SLCO3A1: variants seen among roughly 807,000 people sequenced by gnomAD.
The protein encoded by SLCO3A1 is PGE1 transporter.
A neutral mutation model predicts 63.1 loss-of-function variants in SLCO3A1; 27 were observed. The ratio of observed to expected loss-of-function variants is 0.43; its 90% CI spans 0.32 to 0.59. The LOEUF (loss-of-function observed/expected upper bound fraction) is 0.59, where lower values mean the gene tolerates loss of function less well. SLCO3A1 is among the 20% of genes least tolerant of loss of function. The probability of loss-of-function intolerance (pLI) is 0.09; values close to 1 mark genes in which losing one functional copy is unlikely to be tolerated. For synonymous variants in SLCO3A1, 473 were observed against 409.9 expected, an observed-to-expected ratio of 1.15 and a Z score of -1.86; for missense variants, 773 against 945.8, an observed-to-expected ratio of 0.82 and a Z score of 2.40.
rs1597097683 is a variant in SLCO3A1, at chr15:91,894,636, T to A, written c.181-21357T>A. 6.6e-6 allele frequency among the ~76,000 whole-genome samples: 1 copy of A among 152,232 alleles called. No individual in the cohort carries two copies. The highest frequency in any genetic ancestry group is 1.9e-4 in the East Asian group (1 of 5,202). On this transcript the variant is annotated intron_variant, in intron 1 of 9. Transcript: ENST00000318445. The surrounding 1 kb of genome is among the most constrained non-coding windows in gnomAD (Gnocchi z 4.8). ...CCCGTGTAGCCCGAGGCAGCATTTT[T>A]GACTTGAATGTTCATATGTACCACT...
chr15:92,086,455 T>A (rs180949182), intron 2 of SLCO3A1, among the ~76,000 whole-genome samples: 1 of 152,338 alleles, frequency 6.6e-6, no homozygotes, highest in African/African-American at 2.4e-5. Flanking sequence ...TTTCTCCTGG[T>A]TTTTTTCTTT....
intron 2 of SLCO3A1, among the ~76,000 whole-genome samples, chr15:92,085,843 T>G (rs2047398205): frequency 6.6e-6 from 1 of 152,202 alleles, no homozygotes; most frequent in South Asian, 2.1e-4. Context: ...GTGTTCTTTA[T>G]AGTTTGACTC....
intron 1 of SLCO3A1, among the ~76,000 whole-genome samples, chr15:91,858,369 T>C (rs1727728686): frequency 6.6e-6 from 1 of 150,630 alleles, no homozygotes; most frequent in Non-Finnish European, 1.5e-5. Flanking sequence ...TAGTAAGAAA[T>C]AAAATTACCT....
rs1032085501 is a variant in SLCO3A1 at position 92,060,593 on chromosome 15, G to A, written c.647-34288G>A. On this transcript the variant is annotated intron_variant, in intron 2 of 9. Transcript: ENST00000318445. ...CGGCTCACTGCAACCTCCGCCTCCG[G>A]GGTTCAGGCAGTTCTCCTGCCTCAG... Among the ~76,000 whole-genome samples, 57 of 151,624 alleles carry A rather than the reference G, an allele frequency of 3.8e-4. 1 individual carries two copies. Among genetic ancestry groups the A allele is most frequent in the Admixed American group, 3.3e-3 (51 of 15,230 alleles).
intron 6 of SLCO3A1, among the ~76,000 whole-genome samples, chr15:92,128,026 A>C (rs2190750): frequency 7.9e-4 from 120 of 152,004 alleles, no homozygotes; most frequent in African/African-American, 2.8e-3. Context: ...CAGAGGGCAC[A>C]TCAATACCAG....
At chr15:92,016,481 G>A (rs1290057115) in intron 2 of SLCO3A1, among the ~76,000 whole-genome samples, 2 of 152,134 alleles carry the variant, frequency 1.3e-5, no homozygotes, top group Non-Finnish European at 2.9e-5. Flanking sequence ...CTAAAGGAAG[G>A]AATGTCGTCC....
chr15:91,873,080 T>G (rs540534158), intron 1 of SLCO3A1, among the ~76,000 whole-genome samples: 4 of 152,390 alleles, frequency 2.6e-5, no homozygotes, highest in Admixed American at 1.3e-4. Context: ...CAGAGTGTTC[T>G]GTGTCAGTGT....
intron 2 of SLCO3A1, among the ~76,000 whole-genome samples, chr15:92,069,125 C>CA (rs1347456407): frequency 6.9e-6 from 1 of 144,022 alleles, no homozygotes; most frequent in Non-Finnish European, 1.5e-5. Flanking sequence ...CCACTCCCCC[C>CA]AGGGGACATT....
intron 4 of SLCO3A1, among the ~76,000 whole-genome samples, chr15:92,106,706 G>A (rs2047671665): frequency 6.6e-6 from 1 of 152,156 alleles, no homozygotes; most frequent in Non-Finnish European, 1.5e-5. Context: ...ATCCCACACA[G>A]GACCAGGTCT....
chr15:92,014,075 A>G (rs2046398553), intron 2 of SLCO3A1, among the ~76,000 whole-genome samples: 1 of 152,030 alleles, frequency 6.6e-6, no homozygotes, highest in Non-Finnish European at 1.5e-5. Flanking sequence ...AGGCCTCTTT[A>G]TCTCCCCAGA....
At chr15:92,135,652 A>G (rs747796644) in intron 7 of SLCO3A1, among the ~76,000 whole-genome samples, 1 of 152,206 alleles carries the variant, frequency 6.6e-6, no homozygotes, top group Non-Finnish European at 1.5e-5. Flanking sequence ...TGTCTGAGGA[A>G]CGTCAGTGAA....
chr15:92,018,643 A>G (rs2151469169), intron 2 of SLCO3A1, among the ~76,000 whole-genome samples: 1 of 152,226 alleles, frequency 6.6e-6, no homozygotes, highest in Admixed American at 6.5e-5. Flanking sequence ...AATCCAGGAG[A>G]AGTGAGGCAG....
rs1214040127 is a variant in SLCO3A1 at position 91,920,501 on chromosome 15, G to A, written c.646+4043G>A. Among the ~76,000 whole-genome samples, 5 of 152,166 alleles carry A rather than the reference G, an allele frequency of 3.3e-5. No individual in the cohort carries two copies. The South Asian group carries it at 6.2e-4, about 19-fold the overall frequency. ...AGAGAGGAAGGTGGTCCTAGCTAAC[G>A]GTTCAGGTCTGAGTTCTGTAAAGAG... On this transcript the variant is annotated intron_variant, in intron 2 of 9. Coordinates refer to ENST00000318445, the MANE Select transcript of SLCO3A1 (RefSeq NM_013272.4).
At chr15:91,857,062 GT>G (rs1368735521) in intron 1 of SLCO3A1, among the ~76,000 whole-genome samples, 1 of 150,612 alleles carries the variant, frequency 6.6e-6, no homozygotes, top group Non-Finnish European at 1.5e-5. Flanking sequence ...GTGTGTGTGT[GT>G]GTGTGTGAGA....
At chr15:92,081,405 C>T (rs2047344780) in intron 2 of SLCO3A1, among the ~76,000 whole-genome samples, 1 of 151,798 alleles carries the variant, frequency 6.6e-6, no homozygotes, top group Non-Finnish European at 1.5e-5. Context: ...GGCTGGAGCG[C>T]AGTGTTGTGA....
rs1217373072 is a variant in SLCO3A1 at position 92,114,250 on chromosome 15, TG to T, written c.1010-6214del. On this transcript the variant is annotated intron_variant, in intron 4 of 9. Coordinates refer to ENST00000318445, the MANE Select transcript of SLCO3A1 (RefSeq NM_013272.4). ...GATGGTTGGTTCATAAGTTTTTTTC[TG>T]TTGCCTCAGTTAGTGTTTCTTACGA... Among the ~76,000 whole-genome samples, 8 of 152,352 alleles carry T rather than the reference TG, an allele frequency of 5.3e-5. No homozygotes were observed. The East Asian group carries it at 1.2e-3, about 22-fold the overall frequency.
chr15:91,962,109 T>C (rs1337170693), intron 2 of SLCO3A1, among the ~76,000 whole-genome samples: 1 of 152,104 alleles, frequency 6.6e-6, no homozygotes, highest in African/African-American at 2.4e-5. Flanking sequence ...CTGGCGGTCA[T>C]ACAGACAGGC....
At chr15:92,115,815 CAAAAAAAAAAAA>C (rs765666191) in intron 4 of SLCO3A1, among the ~76,000 whole-genome samples, 2 of 86,714 alleles carry the variant, frequency 2.3e-5, no homozygotes, top group Admixed American at 1.6e-4. Flanking sequence ...TCTCTTCCCT[CAAAAAAAAAAAA>C]AAAAAAAAAA....
chr15:92,016,224 G>GATAC (rs2046426239), intron 2 of SLCO3A1, among the ~76,000 whole-genome samples: 1 of 76,162 alleles, frequency 1.3e-5, no homozygotes, highest in Non-Finnish European at 2.3e-5. Flanking sequence ...TAGATAGATA[G>GATAC]ATAGATAGAT....
Sources: gnomAD v4.1 joint callset for allele counts (sites outside exome capture counted in the v4.1 genomes callset) on GRCh38, gnomAD v4.1.1 for gene constraint, Gnocchi (gnomAD v3.1) non-coding constraint, MANE v1.5 for transcripts, NCBI Gene and HGNC (gene_info 2026-07-23, HGNC 2026-07-21) for gene names.